LRMDA: variants seen among roughly 807,000 people sequenced by gnomAD.
LRMDA encodes leucine rich melanocyte differentiation associated, also known as leucine-rich melanocyte differentiation-associated protein.
In LRMDA, 18 loss-of-function variants were observed where a neutral mutation model predicts 29.8. The observed-to-expected ratio is 0.60, with a 90% CI of 0.42 to 0.90. LRMDA has a LOEUF of 0.90. Among genes scored for constraint, LRMDA ranks in the 40% least tolerant of loss-of-function variants. LRMDA has a pLI of 0.00. For synonymous variants in LRMDA, 125 were observed against 109.4 expected, an observed-to-expected ratio of 1.14 and a Z score of -0.89; for missense variants, 273 against 273.9, an observed-to-expected ratio of 1.00 and a Z score of 0.02.
chr10:75,804,595 G>T lies in LRMDA; in HGVS notation c.132-231413G>T, dbSNP rs555290586. Among the ~76,000 whole-genome samples the T allele has an allele frequency of 2.0e-5, 3 of 152,286 alleles. No homozygotes were observed. In the South Asian group the frequency reaches 6.2e-4, roughly 32 times the overall value. On this transcript the variant is annotated intron_variant, in intron 2 of 6. Coordinates refer to ENST00000611255, the MANE Select transcript of LRMDA (RefSeq NM_001305581.2). ...GATTTTCCTCCTGGCCCTGGCTGAG[G>T]GCTCCTCTTCTCTCCCTTCCTGCTG...
At chr10:75,822,060 A>G (rs1418816956) in intron 2 of LRMDA, among the ~76,000 whole-genome samples, 1 of 152,198 alleles carries the variant, frequency 6.6e-6, no homozygotes, top group Non-Finnish European at 1.5e-5. Flanking sequence ...CACTGATGAT[A>G]TAATATTATA....
chr10:76,059,604 T>A (rs570234587), intron 5 of LRMDA, among the ~76,000 whole-genome samples: 3 of 152,112 alleles, frequency 2.0e-5, no homozygotes, highest in Non-Finnish European at 2.9e-5. Flanking sequence ...TCACCTCCCA[T>A]GAGATTGCAA....
intron 6 of LRMDA, among the ~76,000 whole-genome samples, chr10:76,476,077 C>T (rs1373990394): frequency 6.6e-6 from 1 of 151,884 alleles, no homozygotes; most frequent in African/African-American, 2.4e-5. Flanking sequence ...GATAGAGACA[C>T]AAAAAACCCT....
chr10:76,466,798 A>T (rs1426210606), intron 6 of LRMDA, among the ~76,000 whole-genome samples: 1 of 152,172 alleles, frequency 6.6e-6, no homozygotes, highest in African/African-American at 2.4e-5. Flanking sequence ...TCTCAAAGAA[A>T]AGAAAAGAAA....
chr10:75,677,086 A>G (rs1464092928), intron 2 of LRMDA, among the ~76,000 whole-genome samples: 1 of 152,230 alleles, frequency 6.6e-6, no homozygotes, highest in African/African-American at 2.4e-5. Flanking sequence ...TCTGGACTGC[A>G]TTGCAGAAAA....
At chr10:75,726,692 A>G (rs959761077) in intron 2 of LRMDA, among the ~76,000 whole-genome samples, 2 of 152,236 alleles carry the variant, frequency 1.3e-5, no homozygotes, top group African/African-American at 4.8e-5. Context: ...ATGCCTACTT[A>G]GCCTTCCTTT....
chr10:76,224,758 G>A (rs1414901723), intron 5 of LRMDA, among the ~76,000 whole-genome samples: 1 of 147,956 alleles, frequency 6.8e-6, no homozygotes, highest in African/African-American at 2.5e-5. Flanking sequence ...GTAATGAGCA[G>A]TGAAGTCAAA....
intron 2 of LRMDA, among the ~76,000 whole-genome samples, chr10:75,448,750 TC>T (rs1429996207): frequency 1.3e-5 from 2 of 152,214 alleles, no homozygotes; most frequent in Admixed American, 6.5e-5. Flanking sequence ...AGAATGGTTC[TC>T]TTGATGAGCT....
chr10:75,953,692 C>T (rs1846616860), intron 2 of LRMDA, among the ~76,000 whole-genome samples: 1 of 152,150 alleles, frequency 6.6e-6, no homozygotes, highest in African/African-American at 2.4e-5. Flanking sequence ...AGAAATCCAA[C>T]TTGATTCAGC....
At chr10:75,880,766 A>G (rs553327424) in intron 2 of LRMDA, among the ~76,000 whole-genome samples, 6 of 152,326 alleles carry the variant, frequency 3.9e-5, no homozygotes, top group African/African-American at 1.4e-4. Context: ...CTGGAAAACA[A>G]AAGGATCCAT....
intron 6 of LRMDA, among the ~76,000 whole-genome samples, chr10:76,357,841 CTGTAAACTCCCTGTA>C (rs1841261326): frequency 6.6e-6 from 1 of 152,186 alleles, no homozygotes. Context: ...TTTCTTCCGT[CTGTAAACTCCCTGTA>C]ATTATTATGC....
chr10:75,927,933 A>C (rs1264027076), intron 2 of LRMDA, among the ~76,000 whole-genome samples: 1 of 152,182 alleles, frequency 6.6e-6, no homozygotes, highest in Non-Finnish European at 1.5e-5. Context: ...AACAGTAATA[A>C]TAATGCTACC....
intron 2 of LRMDA, among the ~76,000 whole-genome samples, chr10:75,477,873 A>AT (rs1564781400): frequency 6.6e-6 from 1 of 152,256 alleles, no homozygotes; most frequent in East Asian, 1.9e-4. Flanking sequence ...ACTCCCTGTC[A>AT]TGCAGGCCTC....
chr10:75,719,867 G>A (rs530326517), intron 2 of LRMDA, among the ~76,000 whole-genome samples: 1 of 152,296 alleles, frequency 6.6e-6, no homozygotes, highest in African/African-American at 2.4e-5. Context: ...GCTGGATATG[G>A]TAGGAGATAA....
chr10:75,882,938 T>C (rs752627912), intron 2 of LRMDA, among the ~76,000 whole-genome samples: 8 of 152,218 alleles, frequency 5.3e-5, no homozygotes, highest in Non-Finnish European at 1.0e-4. Context: ...TAAGTTTTTA[T>C]GGACCAAGGC....
Position 75,690,978 on chromosome 10 carries a change from AAT to A in LRMDA, c.131+252500_131+252501del, listed in dbSNP as rs1222064606. On this transcript the variant is annotated intron_variant, in intron 2 of 6. Transcript: ENST00000611255. ...GCAAGACCCTGTCTCTTAAAAAAAA[AAT>A]ATATATATATATATACACACACACA... 2.7e-3 allele frequency among the ~76,000 whole-genome samples: 251 copies of A among 91,408 alleles called. 1 individual carries two copies. The highest frequency in any genetic ancestry group is 3.8e-3 in the African/African-American group (83 of 21,728). The allele number at this position is 91,408 out of a possible 152,430, so 60.0% of individuals were successfully genotyped here.
At chr10:76,437,893 G>A (rs566697915) in intron 6 of LRMDA, among the ~76,000 whole-genome samples, 1 of 152,216 alleles carries the variant, frequency 6.6e-6, no homozygotes, top group African/African-American at 2.4e-5. Flanking sequence ...ATTTTATTTG[G>A]TCCTCATAAC....
At chr10:75,521,334 T>C (rs1415758746) in intron 2 of LRMDA, among the ~76,000 whole-genome samples, 1 of 152,250 alleles carries the variant, frequency 6.6e-6, no homozygotes, top group East Asian at 1.9e-4. Flanking sequence ...ATAGAGGCAG[T>C]AGGCCTTGCT....
intron 6 of LRMDA, among the ~76,000 whole-genome samples, chr10:76,545,341 C>G (rs1843407583): frequency 6.6e-6 from 1 of 151,686 alleles, no homozygotes; most frequent in Non-Finnish European, 1.5e-5. Flanking sequence ...GATCTGAAGC[C>G]CAAAAGCAAA....
Sources: allele counts gnomAD v4.1 joint callset (sites outside exome capture counted in the v4.1 genomes callset), GRCh38; gene constraint gnomAD v4.1.1; transcripts MANE v1.5; gene names NCBI Gene and HGNC (gene_info 2026-07-23, HGNC 2026-07-21).